GCDH: variants seen among roughly 807,000 people sequenced by gnomAD.
GCDH encodes glutaryl-CoA dehydrogenase, mitochondrial.
In GCDH, 31 loss-of-function variants were observed where a neutral mutation model predicts 52.8. The observed-to-expected ratio is 0.59, with a 90% confidence interval of 0.44 to 0.79. The LOEUF (loss-of-function observed/expected upper bound fraction) is 0.79. GCDH is among the 30% of genes least tolerant of loss of function. GCDH has a pLI of 0.00. For missense variants in GCDH, 509 were observed against 595.0 expected (o/e 0.86, Z 1.50); for synonymous variants, 242 against 250.0 (o/e 0.97, Z 0.30).
rs139241235 is a variant in GCDH, at chr19:12,897,751, A to G, written c.1131A>G (p.Lys377=). ...VSLLKRNNCG[K]ALDIARQARD... is the part of the protein sequence containing the mutation. ...TGCTGAAGAGGAATAACTGTGGGAA[A>G]GCCCTGGACATCGCCCGCCAGGCCC... The change falls in exon 11 of 12, where the codon AAA becomes AAG. Residue 377 remains lysine, a synonymous_variant. Coordinates refer to ENST00000222214, the MANE Select transcript of GCDH (RefSeq NM_000159.4). 23 of 1,614,074 alleles carry G rather than the reference A, an allele frequency of 1.4e-5. No homozygotes were observed. Among genetic ancestry groups the G allele is most frequent in the Admixed American group, 3.3e-5 (2 of 60,008 alleles).
intron 6 of GCDH, 108 bp downstream of exon 6, chr19:12,893,761 C>A: frequency 9.5e-7 from 1 of 1,049,082 alleles, no homozygotes; most frequent in Non-Finnish European, 1.5e-6. Flanking sequence ...TCAAAGATAG[C>A]ATAAGTGGCC....
At position 12,899,574 on chromosome 19, in the gene GCDH, C is replaced by T; in HGVS notation, c.*33C>T. 6.2e-7 allele frequency: 1 copy of T among 1,614,008 alleles called. No homozygotes were observed. Among genetic ancestry groups the T allele is most frequent in the South Asian group, 1.1e-5 (1 of 91,056 alleles). On this transcript the variant is annotated 3_prime_UTR_variant, in exon 12 of 12. Transcript: ENST00000222214. ...CATCAGGGGCCCGAAACTCTCAAGC[C>T]CCTTTCTGGAGAGATGCCTGGCTGG... is the stretch of plus-strand genomic sequence containing the variant.
At chr19:12,894,435 C>T (rs751086695) in intron 6 of GCDH, 8 of 745,382 alleles carry the variant, frequency 1.1e-5, no homozygotes, top group Non-Finnish European at 2.0e-5. Context: ...ATGGTTGCAT[C>T]GTGGATGCCA....
intron 5 of GCDH, 26 bp downstream of exon 5, chr19:12,892,204 C>T (rs2145940834): frequency 6.3e-7 from 1 of 1,576,242 alleles, no homozygotes; most frequent in African/African-American, 1.3e-5. Context: ...TCTCCACACA[C>T]TGCAGAACCC....
chr19:12,898,637 C>T (rs1970753286), intron 11 of GCDH: 1 of 154,800 alleles, frequency 6.5e-6, no homozygotes, highest in Non-Finnish European at 1.4e-5. Context: ...GCTTTAGGGG[C>T]TCGGCGCAGT....
intron 6 of GCDH, 150 bp downstream of exon 6, chr19:12,893,803 C>T (rs973232661): frequency 1.4e-6 from 1 of 736,812 alleles, no homozygotes; most frequent in Non-Finnish European, 2.4e-6. Flanking sequence ...TGGGCTTCAC[C>T]TGGAGATCTG....
chr19:12,897,710 C>T lies in GCDH; in HGVS notation c.1090C>T (p.Pro364Ser), dbSNP rs927389259. The change falls in exon 11 of 12, where the codon CCC (proline) becomes TCC (serine). Residue 364 changes from proline to serine, a missense_variant. By Grantham distance (74) the Pro-to-Ser change is moderately conservative. Transcript: ENST00000222214. ...CTCATGTGCCACTCCCAGGGCTGCC[C>T]CCGAGATGGTTTCTCTGCTGAAGAG... ...GRLKDQDKAA[P>S]EMVSLLKRNN... The T allele has an allele frequency of 6.2e-7, 1 of 1,613,652 alleles. No homozygotes were observed. The highest frequency in any genetic ancestry group is 8.5e-7 in the Non-Finnish European group (1 of 1,179,894).
At chr19:12,897,235 G>T (rs373540530) in intron 9 of GCDH, 68 bp from the exon 10 acceptor site, 4 of 1,602,244 alleles carry the variant, frequency 2.5e-6, no homozygotes, top group Middle Eastern at 3.3e-4. Flanking sequence ...GGAGCAGGGG[G>T]CCCCAGGACA....
intron 6 of GCDH, 152 bp downstream of exon 6, chr19:12,893,805 G>A: frequency 4.1e-6 from 3 of 735,528 alleles, no homozygotes; most frequent in South Asian, 3.0e-5. Flanking sequence ...GGCTTCACCT[G>A]GAGATCTGAT....
intron 6 of GCDH, 135 bp from the exon 7 acceptor site, chr19:12,895,857 T>G: frequency 1.0e-6 from 1 of 996,438 alleles, no homozygotes. Flanking sequence ...TGACCTCAAT[T>G]GATCCACCTG....
In GCDH at chr19:12,891,289, C is replaced by T. The variant is rs764360000; in HGVS notation, c.-16C>T. The T allele has an allele frequency of 3.8e-6, 6 of 1,599,780 alleles. No homozygotes were observed. In the South Asian group the frequency reaches 5.5e-5, roughly 15 times the overall value. Reference sequence around the variant, plus strand: ...CCTGTAGGTCGCCGTCGTTGCTCCGCTCGCTCTGAGAGAGCATGGCCCTGA... The same window carrying T: ...CCTGTAGGTCGCCGTCGTTGCTCCGTTCGCTCTGAGAGAGCATGGCCCTGA... On this transcript the variant is annotated 5_prime_UTR_variant, in exon 2 of 12. Transcript: ENST00000222214.
chr19:12,892,307 C>CCCG, intron 5 of GCDH, 129 bp downstream of exon 5: 1 of 884,974 alleles, frequency 1.1e-6, no homozygotes, highest in Non-Finnish European at 1.8e-6. Flanking sequence ...TTCTTCTTCC[C>CCCG]CCCCAACAGA....
chr19:12,891,420 A>C (rs1970552996), intron 2 of GCDH, 25 bp downstream of exon 2: 1 of 1,613,840 alleles, frequency 6.2e-7, no homozygotes, highest in Admixed American at 1.7e-5. Context: ...GGGAGTGTGG[A>C]GGGAAGGAGG....
At chr19:12,897,676 C>G in intron 10 of GCDH, 27 bp from the exon 11 acceptor site, 2 of 1,613,744 alleles carry the variant, frequency 1.2e-6, no homozygotes, top group Admixed American at 1.7e-5. Context: ...ATCCCCAGTC[C>G]TTGTTACCCT....
At chr19:12,897,068 C>T in intron 9 of GCDH, 55 bp downstream of exon 9, 2 of 1,419,744 alleles carry the variant, frequency 1.4e-6, no homozygotes, top group Admixed American at 1.7e-5. Flanking sequence ...TTGGGTTTCA[C>T]TCTCTATACC....
intron 11 of GCDH, 94 bp from the exon 12 acceptor site, chr19:12,899,374 T>C: frequency 6.2e-7 from 1 of 1,614,198 alleles, no homozygotes; most frequent in African/African-American, 1.3e-5. Context: ...TCTGTACTTC[T>C]GAAGCAGTGG....
In GCDH at chr19:12,896,820, G is replaced by A; in HGVS notation, c.853-90G>A. ...GAGTCCCCCTGCGTGGGGTGGCTGG[G>A]GAGGAGGCTTTCCCTGCTTCAGAGT... On this transcript the variant is annotated intron_variant, in intron 8 of 11. Transcript: ENST00000222214. The surrounding 1 kb of genome is among the most constrained non-coding windows in gnomAD (Gnocchi z 5.5). 1.1e-6 allele frequency: 1 copy of A among 888,388 alleles called. No homozygotes were observed. The highest frequency in any genetic ancestry group is 1.4e-5 in the South Asian group (1 of 73,822). The allele number at this position is 888,388 out of a possible 1,614,324, so 55.0% of individuals were successfully genotyped here.
intron 3 of GCDH, 88 bp downstream of exon 3, chr19:12,891,610 C>T (rs1395997845): frequency 6.2e-7 from 1 of 1,612,508 alleles, no homozygotes; most frequent in Non-Finnish European, 8.5e-7. Context: ...AATCCGAGAG[C>T]TGCCCGAGCG....
intron 5 of GCDH, 126 bp downstream of exon 5, chr19:12,892,304 T>A: frequency 1.1e-6 from 1 of 890,266 alleles, no homozygotes; most frequent in Non-Finnish European, 1.8e-6. Context: ...CCTTTCTTCT[T>A]CCCCCCCAAC....
Sources: allele counts gnomAD v4.1 joint callset, GRCh38; gene constraint gnomAD v4.1.1; non-coding constraint Gnocchi (gnomAD v3.1); transcripts MANE v1.5; gene names NCBI Gene and HGNC (gene_info 2026-07-23, HGNC 2026-07-21).